The following PLCZ1 variants were observed in gnomAD, a reference collection of about 807,000 sequenced individuals.
PLCZ1 encodes the protein phospholipase C zeta 1.
Under a neutral mutation model 76.8 loss-of-function variants are expected in PLCZ1, and 64 were observed. That is an observed-to-expected ratio of 0.83 (90% CI 0.68 to 1.03). The LOEUF is 1.03. PLCZ1 is among the 50% of genes least tolerant of loss of function. PLCZ1 has a pLI of 0.00. For synonymous variants in PLCZ1, 248 were observed against 230.8 expected, an observed-to-expected ratio of 1.07 and a Z score of -0.68; for missense variants, 751 against 713.7, an observed-to-expected ratio of 1.05 and a Z score of -0.60.
the PLCZ1 span, among the ~76,000 whole-genome samples, chr12:18,667,509 G>A: frequency 6.6e-6 from 1 of 152,112 alleles, no homozygotes; most frequent in Non-Finnish European, 1.5e-5. Flanking sequence ...TGCTCTATAA[G>A]CTAGAGTTTG....
the PLCZ1 span, among the ~76,000 whole-genome samples, chr12:18,651,620 T>C: frequency 6.6e-6 from 1 of 152,184 alleles, no homozygotes; most frequent in African/African-American, 2.4e-5. Flanking sequence ...CCCAAAGCCC[T>C]CATTCTAGAC....
At chr12:18,734,162 T>G (rs1959174591) in intron 3 of PLCZ1, among the ~76,000 whole-genome samples, 1 of 152,208 alleles carries the variant, frequency 6.6e-6, no homozygotes, top group Non-Finnish European at 1.5e-5. Context: ...TGCCAGTTTT[T>G]CACTTCCTTG....
At chr12:18,701,473 G>GT (rs1238330984) in intron 9 of PLCZ1, 28 bp downstream of exon 9, 19 of 1,613,866 alleles carry the variant, frequency 1.2e-5, no homozygotes, top group Non-Finnish European at 1.6e-5. Context: ...CCAATCACTT[G>GT]TAAGATTTTC....
the PLCZ1 span, among the ~76,000 whole-genome samples, chr12:18,649,646 A>G: frequency 0.019 from 2,879 of 152,240 alleles, 36 homozygotes; most frequent in Middle Eastern, 0.048. Flanking sequence ...CATTACAAGC[A>G]GGTATTTGCT....
chr12:18,663,268 AAAG>A, the PLCZ1 span, among the ~76,000 whole-genome samples: 2 of 152,144 alleles, frequency 1.3e-5, no homozygotes, highest in Non-Finnish European at 2.9e-5. Context: ...CTAAATTTGA[AAAG>A]AAGAGGCAAA....
At chr12:18,693,354 C>T in intron 12 of PLCZ1, 2 of 1,597,724 alleles carry the variant, frequency 1.3e-6, no homozygotes, top group Non-Finnish European at 1.7e-6. Flanking sequence ...GTTGGACAAC[C>T]AAATTCGGGA....
chr12:18,657,508 C>T, the PLCZ1 span, among the ~76,000 whole-genome samples: 7 of 152,078 alleles, frequency 4.6e-5, no homozygotes, highest in African/African-American at 1.7e-4. Context: ...TATGCAAAGG[C>T]TGAAAGATTT....
At chr12:18,694,614 A>T (rs1156642397) in intron 12 of PLCZ1, among the ~76,000 whole-genome samples, 1 of 152,180 alleles carries the variant, frequency 6.6e-6, no homozygotes, top group Admixed American at 6.5e-5. Flanking sequence ...TGAGACCTGT[A>T]TCTCACAATA....
the PLCZ1 span, among the ~76,000 whole-genome samples, chr12:18,653,264 T>C: frequency 1.2e-4 from 19 of 152,248 alleles, no homozygotes; most frequent in Admixed American, 2.0e-4. Context: ...AGTCACATAT[T>C]ACCCATGCCA....
rs141013698 is a variant in PLCZ1 at position 18,737,044 on chromosome 12, A to G, written c.11+317T>C. Among the ~76,000 whole-genome samples the G allele has an allele frequency of 5.1e-3, 781 of 152,294 alleles. 4 individuals carry two copies. Among genetic ancestry groups the G allele is most frequent in the African/African-American group, 0.018 (734 of 41,570 alleles). On this transcript the variant is annotated intron_variant, in intron 2 of 14. Transcript: ENST00000266505. ...AAACTAAGATCGAAATGAGATAATG[A>G]CAATTATCACTAAAATTATAAAAGG...
chr12:18,650,299 C>A, the PLCZ1 span, among the ~76,000 whole-genome samples: 2 of 12,950 alleles, frequency 1.5e-4, no homozygotes, highest in Admixed American at 2.5e-3. Context: ...AAATTTCTCT[C>A]TCTCTCTCTC....
At chr12:18,677,283 G>T in the PLCZ1 span, among the ~76,000 whole-genome samples, 1 of 152,110 alleles carries the variant, frequency 6.6e-6, no homozygotes, top group Non-Finnish European at 1.5e-5. Flanking sequence ...AAGATGGCGA[G>T]CAAGACAGTT....
rs185151469 is a variant in PLCZ1, at chr12:18,723,722, G to T, written c.136-180C>A. ...GGAGTGACGTCAAAATTGGAAAAGG[G>T]TTAGTTAACTCTTGAAACCCAGTGG... On this transcript the variant is annotated intron_variant, in intron 3 of 14. Coordinates refer to ENST00000266505, the MANE Select transcript of PLCZ1 (RefSeq NM_033123.4). 2.0e-3 allele frequency among the ~76,000 whole-genome samples: 299 copies of T among 152,186 alleles called. 1 individual carries two copies. Among genetic ancestry groups the T allele is most frequent in the African/African-American group, 7.0e-3 (292 of 41,550 alleles).
chr12:18,677,279 G>A, the PLCZ1 span, among the ~76,000 whole-genome samples: 6 of 152,070 alleles, frequency 3.9e-5, no homozygotes, highest in Non-Finnish European at 8.8e-5. Flanking sequence ...AGGAAAGATG[G>A]CGAGCAAGAC....
intron 13 of PLCZ1, 95 bp downstream of exon 13, chr12:18,687,994 T>C: frequency 6.6e-7 from 1 of 1,515,494 alleles, no homozygotes; most frequent in Non-Finnish European, 9.0e-7. Flanking sequence ...GTCTTATGAA[T>C]AATAAATATG....
At chr12:18,680,076 GTTA>G (rs148918087), downstream of PLCZ1, among the ~76,000 whole-genome samples, 2,440 of 152,100 alleles carry the variant, frequency 0.016, 33 homozygotes, top group Admixed American at 0.025. Flanking sequence ...TTTCCAGTGT[GTTA>G]TTACTTGGAA....
the PLCZ1 span, among the ~76,000 whole-genome samples, chr12:18,673,069 G>A: frequency 3.3e-5 from 5 of 152,118 alleles, no homozygotes; most frequent in Non-Finnish European, 7.4e-5. Flanking sequence ...GAATTAAAAA[G>A]CAGACTAATT....
the PLCZ1 span, among the ~76,000 whole-genome samples, chr12:18,665,948 A>AT: frequency 6.6e-6 from 1 of 151,376 alleles, no homozygotes; most frequent in Non-Finnish European, 1.5e-5. Context: ...AAAAAAAAAA[A>AT]ACTAGTTGGG....
At chr12:18,668,353 A>G in the PLCZ1 span, among the ~76,000 whole-genome samples, 1 of 152,348 alleles carries the variant, frequency 6.6e-6, no homozygotes, top group Admixed American at 6.5e-5. Context: ...CCACTTTACC[A>G]GTTTACTAAT....
Sources: allele counts gnomAD v4.1 joint callset (sites outside exome capture counted in the v4.1 genomes callset), GRCh38; gene constraint gnomAD v4.1.1; transcripts MANE v1.5; gene names NCBI Gene and HGNC (gene_info 2026-07-23, HGNC 2026-07-21).